TBC1D2B: variants seen among roughly 807,000 people sequenced by gnomAD.
TBC1D2B encodes the protein TBC1 domain family, member 2B.
Under a neutral mutation model 100.8 loss-of-function variants are expected in TBC1D2B, and 64 were observed. The ratio of observed to expected loss-of-function variants is 0.64; its 90% CI spans 0.52 to 0.78. The LOEUF is 0.78. Among genes scored for constraint, TBC1D2B ranks in the 30% least tolerant of loss-of-function variants. The probability of loss-of-function intolerance (pLI) is 0.00; values close to 1 mark genes in which losing one functional copy is unlikely to be tolerated. For missense variants in TBC1D2B, 1,052 were observed against 1,218.4 expected, an observed-to-expected ratio of 0.86 and a Z score of 2.03; for synonymous variants, 480 against 479.7, an observed-to-expected ratio of 1.00 and a Z score of -0.01.
Position 78,064,487 on chromosome 15 carries a change from C to T in TBC1D2B, c.361-10300G>A, listed in dbSNP as rs150922923. On this transcript the variant is annotated intron_variant, in intron 1 of 12. Coordinates refer to ENST00000300584, the MANE Select transcript of TBC1D2B (RefSeq NM_144572.2). Reference sequence around the variant, plus strand: ...TGGGTATCCATTTCTGAAAAGAATGCGATGGCTGCTCATAATGAAGGAATT... The same window carrying T: ...TGGGTATCCATTTCTGAAAAGAATGTGATGGCTGCTCATAATGAAGGAATT... Among the ~76,000 whole-genome samples the T allele has an allele frequency of 1.5e-3, 234 of 152,270 alleles. 5 individuals carry two copies. The East Asian group carries it at 0.042, about 27-fold the overall frequency.
chr15:78,045,256 C>T (rs936746170), intron 2 of TBC1D2B, among the ~76,000 whole-genome samples, 188 bp from the exon 3 acceptor site: 5 of 152,304 alleles, frequency 3.3e-5, no homozygotes, highest in Admixed American at 3.3e-4. Flanking sequence ...TTCATCTAAA[C>T]AGATCCATGT....
At chr15:78,058,940 G>A (rs2073484078) in intron 1 of TBC1D2B, among the ~76,000 whole-genome samples, 1 of 152,186 alleles carries the variant, frequency 6.6e-6, no homozygotes, top group Admixed American at 6.5e-5. Context: ...CCTAACACCC[G>A]TCTCTCCAGC....
intron 2 of TBC1D2B, among the ~76,000 whole-genome samples, chr15:78,051,180 A>G (rs1596325194): frequency 6.6e-6 from 1 of 152,228 alleles, no homozygotes; most frequent in South Asian, 2.1e-4. Context: ...ATTACTCCCT[A>G]TGTGTAAGTC....
At chr15:78,039,940 C>A (rs2073036589) in intron 3 of TBC1D2B, among the ~76,000 whole-genome samples, 1 of 152,236 alleles carries the variant, frequency 6.6e-6, no homozygotes, top group South Asian at 2.1e-4. Flanking sequence ...GAGCTGGACC[C>A]CAGGAGCCAG....
intron 3 of TBC1D2B, among the ~76,000 whole-genome samples, chr15:78,032,926 G>C (rs1299475149): frequency 6.6e-6 from 1 of 152,136 alleles, no homozygotes; most frequent in Non-Finnish European, 1.5e-5. Context: ...GGAAGAGATG[G>C]AATAAAAGTA....
At chr15:78,022,898 G>C (rs774317332) in intron 6 of TBC1D2B, among the ~76,000 whole-genome samples, 1 of 152,022 alleles carries the variant, frequency 6.6e-6, no homozygotes, top group Non-Finnish European at 1.5e-5. Flanking sequence ...ATTGAGACCA[G>C]AGGTTTTCTT....
At chr15:78,054,776 A>G (rs2073386340) in intron 1 of TBC1D2B, among the ~76,000 whole-genome samples, 1 of 152,250 alleles carries the variant, frequency 6.6e-6, no homozygotes, top group Admixed American at 6.5e-5. Context: ...AAAACAGTTT[A>G]GCAATTCCTT....
At chr15:78,026,120 A>G (rs1474405286) in intron 4 of TBC1D2B, among the ~76,000 whole-genome samples, 2 of 151,350 alleles carry the variant, frequency 1.3e-5, no homozygotes, top group Non-Finnish European at 2.9e-5. Context: ...GCAAAAAAGC[A>G]AAAACACTCA....
At chr15:78,003,194 A>C in intron 11 of TBC1D2B, 111 bp downstream of exon 11, 1 of 910,148 alleles carries the variant, frequency 1.1e-6, no homozygotes, top group Admixed American at 2.1e-5. Flanking sequence ...TCCCTTGGGC[A>C]CCATGGTAAC....
intron 1 of TBC1D2B, among the ~76,000 whole-genome samples, chr15:78,074,979 G>A (rs141036760): frequency 3.2e-4 from 49 of 152,214 alleles, no homozygotes; most frequent in African/African-American, 1.1e-3. Flanking sequence ...AAATGCGCCA[G>A]CCATTTTCCA....
At chr15:78,042,249 C>T (rs981045528) in intron 3 of TBC1D2B, among the ~76,000 whole-genome samples, 2 of 152,172 alleles carry the variant, frequency 1.3e-5, no homozygotes, top group African/African-American at 4.8e-5. Flanking sequence ...GGTCTATTTC[C>T]ACCTCATTCC....
intron 4 of TBC1D2B, among the ~76,000 whole-genome samples, chr15:78,027,124 A>G (rs138070838): frequency 1.1e-4 from 16 of 152,280 alleles, no homozygotes; most frequent in African/African-American, 3.9e-4. Context: ...ATATACTCAC[A>G]TTATAAAGAG....
intron 6 of TBC1D2B, 121 bp downstream of exon 6, chr15:78,024,035 G>T: frequency 8.9e-7 from 1 of 1,128,776 alleles, no homozygotes; most frequent in Non-Finnish European, 1.2e-6. Context: ...CACTTGTGGG[G>T]AAAAAAAATA....
intron 3 of TBC1D2B, among the ~76,000 whole-genome samples, chr15:78,042,754 A>C (rs1311032649): frequency 1.3e-5 from 2 of 152,226 alleles, no homozygotes; most frequent in Non-Finnish European, 2.9e-5. Context: ...AGAGGCTCAC[A>C]AAGTGCTAAT....
chr15:78,025,251 G>C lies in TBC1D2B; in HGVS notation c.1086+8C>G, dbSNP rs1165751464. On this transcript the variant is annotated splice_region_variant and intron_variant, in intron 5 of 12. Coordinates refer to ENST00000300584, the MANE Select transcript of TBC1D2B (RefSeq NM_144572.2). ...TGGGGTAAGACAGAAGCCAGAAGAA[G>C]AAGTTACCTTCTGACTGGACAGGTC... is the stretch of plus-strand genomic sequence containing the variant. 2 of 1,610,148 alleles carry C rather than the reference G, an allele frequency of 1.2e-6. No homozygotes were observed. The highest frequency in any genetic ancestry group is 1.7e-5 in the Admixed American group (1 of 59,988).
chr15:78,010,648 C>T (rs1375019490), intron 9 of TBC1D2B, among the ~76,000 whole-genome samples: 1 of 151,694 alleles, frequency 6.6e-6, no homozygotes, highest in Non-Finnish European at 1.5e-5. Flanking sequence ...CTCGATGGCG[C>T]CAGGAGAAGG....
intron 8 of TBC1D2B, among the ~76,000 whole-genome samples, chr15:78,014,369 G>A (rs1421012397): frequency 1.3e-5 from 2 of 152,270 alleles, no homozygotes; most frequent in East Asian, 3.9e-4. Flanking sequence ...CAAGCACTTT[G>A]GAAATCAGAT....
At chr15:78,052,933 TAGTC>T (rs201301137) in intron 2 of TBC1D2B, among the ~76,000 whole-genome samples, 3,719 of 152,294 alleles carry the variant, frequency 0.024, 49 homozygotes, top group Middle Eastern at 0.041. Flanking sequence ...GAACCTGGAA[TAGTC>T]AGAGCGCTAA....
chr15:78,059,202 G>C (rs140634169), intron 1 of TBC1D2B, among the ~76,000 whole-genome samples: 50 of 152,210 alleles, frequency 3.3e-4, no homozygotes, highest in Non-Finnish European at 5.1e-4. Context: ...ATGGAGGTGA[G>C]GGCACTCCCT....
Sources: allele counts gnomAD v4.1 joint callset (sites outside exome capture counted in the v4.1 genomes callset), GRCh38; gene constraint gnomAD v4.1.1; transcripts MANE v1.5; gene names NCBI Gene and HGNC (gene_info 2026-07-23, HGNC 2026-07-21).